The following CHD6 variants were observed in gnomAD, a reference collection of about 807,000 sequenced individuals.
CHD6 encodes chromodomain helicase DNA binding protein 6.
Under a neutral mutation model 276.9 loss-of-function variants are expected in CHD6, and 50 were observed. That is an observed-to-expected ratio of 0.18 (90% CI 0.14 to 0.23). The LOEUF (loss-of-function observed/expected upper bound fraction) is 0.23, where lower values mean the gene tolerates loss of function less well. CHD6 is among the 10% of genes least tolerant of loss of function. The pLI, the probability that CHD6 is intolerant of heterozygous loss-of-function variation, is 1.00. For synonymous variants in CHD6, 1,173 were observed against 1,229.3 expected (o/e 0.95, Z 0.96); for missense variants, 2,564 against 3,365.8 (o/e 0.76, Z 5.89).
At chr20:41,518,463 G>A (rs1402501129) in intron 3 of CHD6, among the ~76,000 whole-genome samples, 1 of 152,080 alleles carries the variant, frequency 6.6e-6, no homozygotes. Context: ...AAAGGAGGGG[G>A]GAATCATGGT....
Position 41,446,977 on chromosome 20 carries a change from C to T in CHD6, c.3773+905G>A, listed in dbSNP as rs191251695. Among the ~76,000 whole-genome samples the T allele has an allele frequency of 2.8e-4, 43 of 152,262 alleles. No homozygotes were observed. In the East Asian group the frequency reaches 6.4e-3, roughly 23 times the overall value. On this transcript the variant is annotated intron_variant, in intron 24 of 36. Coordinates refer to ENST00000373233, the MANE Select transcript of CHD6 (RefSeq NM_032221.5). ...CAGGTGGAATTCTGCTGCATTTATA[C>T]GACTCAAATTGAACCTGTCTACCAA...
rs57775532 is a variant in CHD6, at chr20:41,448,903, ATT to A, written c.3684-934_3684-933del. On this transcript the variant is annotated intron_variant, in intron 23 of 36. Transcript: ENST00000373233. ...AATCAACTCAAATAATTCTGAGAGT[ATT>A]TTTTTTTTTTTTTGAGATGGAGTTT... is the stretch of plus-strand genomic sequence containing the variant. Among the ~76,000 whole-genome samples, 436 of 143,594 alleles carry A rather than the reference ATT, an allele frequency of 3.0e-3. 4 individuals carry two copies. Among genetic ancestry groups the A allele is most frequent in the Middle Eastern group, 0.026 (7 of 272 alleles). 94.2% of individuals were successfully genotyped at this position (143,594 alleles called of 152,430 possible). A position where few individuals can be genotyped will look rare whatever the true frequency, so the allele number is the denominator to read the frequency against.
intron 1 of CHD6, among the ~76,000 whole-genome samples, chr20:41,552,600 T>C (rs1354679191): frequency 6.6e-6 from 1 of 152,242 alleles, no homozygotes; most frequent in East Asian, 1.9e-4. Flanking sequence ...TCATGGCATG[T>C]TGGACGCAAA....
At chr20:41,596,607 A>G (rs1271993263) in intron 1 of CHD6, among the ~76,000 whole-genome samples, 1 of 152,142 alleles carries the variant, frequency 6.6e-6, no homozygotes, top group Non-Finnish European at 1.5e-5. Flanking sequence ...AAAACTTGAA[A>G]GACCTTAGGG....
At position 41,483,205 on chromosome 20, in the gene CHD6, T is replaced by C. The variant is rs192747480; in HGVS notation, c.2468+104A>G. On this transcript the variant is annotated intron_variant, in intron 16 of 36. Coordinates refer to ENST00000373233, the MANE Select transcript of CHD6 (RefSeq NM_032221.5). ...TAAAAGGAGATTCCTTTCCTCCGTT[T>C]TTGAATGTTTTGTGTTTAAACAAAA... The C allele has an allele frequency of 2.0e-4, 194 of 991,218 alleles. 1 individual carries two copies. Among genetic ancestry groups the C allele is most frequent in the Non-Finnish European group, 2.9e-6 (2 of 685,344 alleles). The allele number at this position is 991,218 out of a possible 1,614,324, so 61.4% of individuals were successfully genotyped here.
At chr20:41,434,402 G>A (rs1053344717) in intron 27 of CHD6, among the ~76,000 whole-genome samples, 5 of 152,188 alleles carry the variant, frequency 3.3e-5, no homozygotes, top group South Asian at 4.2e-4. Flanking sequence ...ACAGAATCTC[G>A]CTCTGCTGCC....
chr20:41,573,994 G>A (rs187010542), intron 1 of CHD6, among the ~76,000 whole-genome samples: 1 of 152,212 alleles, frequency 6.6e-6, no homozygotes, highest in Non-Finnish European at 1.5e-5. Context: ...TAAGCACATG[G>A]GTAAAAGCAA....
At chr20:41,446,973 T>C (rs2048089501) in intron 24 of CHD6, among the ~76,000 whole-genome samples, 1 of 152,200 alleles carries the variant, frequency 6.6e-6, no homozygotes, top group Non-Finnish European at 1.5e-5. Flanking sequence ...CTGCTGCATT[T>C]ATACGACTCA....
intron 25 of CHD6, among the ~76,000 whole-genome samples, chr20:41,442,120 C>T (rs185075920): frequency 1.3e-5 from 2 of 152,220 alleles, no homozygotes; most frequent in East Asian, 3.9e-4. Context: ...AACAGGGTTA[C>T]AGCAGGCTAT....
intron 26 of CHD6, among the ~76,000 whole-genome samples, chr20:41,439,313 GC>G (rs2047822450): frequency 6.6e-6 from 1 of 151,226 alleles, no homozygotes; most frequent in Non-Finnish European, 1.5e-5. Flanking sequence ...CCAAGATTGC[GC>G]CACTGCACTC....
chr20:41,432,159 T>TAAAAAAA (rs2047563033), intron 27 of CHD6, among the ~76,000 whole-genome samples: 1 of 81,972 alleles, frequency 1.2e-5, no homozygotes, highest in African/African-American at 1.1e-4. Context: ...AAACTCCGTC[T>TAAAAAAA]CAAAAAAAAA....
In CHD6 at chr20:41,606,297, G is replaced by A. The variant is rs894443730; in HGVS notation, c.-24+12043C>T. Among the ~76,000 whole-genome samples the A allele has an allele frequency of 9.9e-5, 15 of 152,262 alleles. No homozygotes were observed. The Middle Eastern group carries it at 0.01, about 104-fold the overall frequency. The stretch of plus-strand genomic sequence containing the variant: ...GAGGCCAAGGCGGGCAGATCACGAG[G>A]TCAGGAGATCAAGACCACCCTGGCT... On this transcript the variant is annotated intron_variant, in intron 1 of 36. Transcript: ENST00000373233.
chr20:41,420,575 G>T lies in CHD6; in HGVS notation c.6060C>A (p.Leu2020=). ...TCTCAAAATCCATGTCTTCTGATTT[G>T]AGCTCACTTCCTTCAAGAGGATATG... ...FPTYPLEGSE[L]KSEDMDFENK... is the part of the protein sequence containing the mutation. Residue 2020 remains leucine, a synonymous_variant, in exon 31 of 37, where the codon CTC becomes CTA. Transcript: ENST00000373233. The T allele has an allele frequency of 6.2e-7, 1 of 1,614,008 alleles. No homozygotes were observed. The highest frequency in any genetic ancestry group is 8.5e-7 in the Non-Finnish European group (1 of 1,179,984).
At chr20:41,446,853 ACTCT>A (rs1296339855) in intron 24 of CHD6, among the ~76,000 whole-genome samples, 4 of 152,062 alleles carry the variant, frequency 2.6e-5, no homozygotes, top group Admixed American at 2.0e-4. Context: ...CAGCAGACTT[ACTCT>A]CTCTGTGTTC....
chr20:41,408,782 A>G (rs1600785487), intron 36 of CHD6, among the ~76,000 whole-genome samples: 1 of 152,228 alleles, frequency 6.6e-6, no homozygotes, highest in Non-Finnish European at 1.5e-5. Flanking sequence ...TCTGTTAGGA[A>G]GAAAACAAGC....
At chr20:41,436,016 T>TCTCA (rs946702917) in intron 27 of CHD6, among the ~76,000 whole-genome samples, 1 of 152,138 alleles carries the variant, frequency 6.6e-6, no homozygotes, top group Non-Finnish European at 1.5e-5. Flanking sequence ...AGAGACAAGG[T>TCTCA]CTCACCATGT....
chr20:41,601,561 G>T (rs541926314), intron 1 of CHD6, among the ~76,000 whole-genome samples: 1 of 152,306 alleles, frequency 6.6e-6, no homozygotes, highest in East Asian at 1.9e-4. Flanking sequence ...TGCCAGGAAA[G>T]GTATGCTCCT....
Position 41,404,701 on chromosome 20 carries a change from G to T in CHD6, c.8040C>A (p.Ser2680Arg). Residue 2680 changes from serine to arginine, a missense_variant, in exon 37 of 37, where the codon AGC (serine) becomes AGA (arginine). Transcript: ENST00000373233. Reference protein sequence around the residue: ...EPAPSCEREPSGDENCAEPSA... With the variant: ...EPAPSCEREPRGDENCAEPSA... ...TGGGTTCGGCACAGTTCTCATCACC[G>T]CTGGGCTCCCTTTCACAGCTGGGAG... The T allele has an allele frequency of 6.3e-7, 1 of 1,595,782 alleles. No individual in the cohort carries two copies. The highest frequency in any genetic ancestry group is 8.5e-7 in the Non-Finnish European group (1 of 1,170,936).
intron 10 of CHD6, among the ~76,000 whole-genome samples, chr20:41,493,161 A>T (rs2043596546): frequency 6.6e-6 from 1 of 152,204 alleles, no homozygotes; most frequent in Non-Finnish European, 1.5e-5. Context: ...AAGAAGGGAA[A>T]ATCAAAGAAA....
Sources: gnomAD v4.1 joint callset for allele counts (sites outside exome capture counted in the v4.1 genomes callset) on GRCh38, gnomAD v4.1.1 for gene constraint, MANE v1.5 for transcripts, NCBI Gene and HGNC (gene_info 2026-07-23, HGNC 2026-07-21) for gene names.